Variants in RERG observed in about 807,000 individuals in gnomAD.
RERG encodes RAS like estrogen regulated growth inhibitor, also known as ras-related and estrogen-regulated growth inhibitor.
A neutral mutation model predicts 23.2 loss-of-function variants in RERG; 25 were observed. The observed-to-expected ratio is 1.08, with a 90% CI of 0.79 to 1.50. The LOEUF (loss-of-function observed/expected upper bound fraction) is 1.50, where lower values mean the gene tolerates loss of function less well. Among genes scored for constraint, RERG ranks in the 40% most tolerant of loss-of-function variants. The pLI is 0.00. For missense variants in RERG, 253 were observed against 250.1 expected (o/e 1.01, Z -0.08); for synonymous variants, 81 against 89.1 (o/e 0.91, Z 0.51).
At chr12:15,167,389 A>G (rs1210089247) in intron 2 of RERG, among the ~76,000 whole-genome samples, 1 of 152,204 alleles carries the variant, frequency 6.6e-6, no homozygotes, top group East Asian at 1.9e-4. Context: ...CTCAAAGTTC[A>G]GCATCAGCAG....
chr12:15,198,079 G>A (rs761877805), intron 2 of RERG, among the ~76,000 whole-genome samples: 5 of 152,080 alleles, frequency 3.3e-5, no homozygotes, highest in East Asian at 1.9e-4. Flanking sequence ...GCCACTCTAC[G>A]CTTGATGCAT....
chr12:15,159,626 A>G lies in RERG; in HGVS notation c.62-38507T>C, dbSNP rs544712336. Reference sequence around the variant, plus strand: ...ATCACGAGGTCAGGAGATCGAGACCATCCTGGCTAACACAGTGAAACCCCG... The same window carrying G: ...ATCACGAGGTCAGGAGATCGAGACCGTCCTGGCTAACACAGTGAAACCCCG... On this transcript the variant is annotated intron_variant, in intron 2 of 4. Coordinates refer to ENST00000256953, the MANE Select transcript of RERG (RefSeq NM_032918.3). Among the ~76,000 whole-genome samples, 4 of 152,262 alleles carry G rather than the reference A, an allele frequency of 2.6e-5. No homozygotes were observed. In the South Asian group the frequency reaches 8.3e-4, roughly 32 times the overall value.
At chr12:15,182,644 C>T (rs942834665) in intron 2 of RERG, among the ~76,000 whole-genome samples, 2 of 152,114 alleles carry the variant, frequency 1.3e-5, no homozygotes, top group Non-Finnish European at 2.9e-5. Flanking sequence ...AAAACATATG[C>T]TTTCTACATA....
intron 2 of RERG, among the ~76,000 whole-genome samples, chr12:15,189,846 C>A (rs1865045272): frequency 6.6e-6 from 1 of 152,178 alleles, no homozygotes; most frequent in Non-Finnish European, 1.5e-5. Context: ...GGCAGAAGGC[C>A]ACAGCCTCCT....
chr12:15,131,979 T>C (rs1864056144), intron 2 of RERG, among the ~76,000 whole-genome samples: 1 of 152,174 alleles, frequency 6.6e-6, no homozygotes, highest in Non-Finnish European at 1.5e-5. Flanking sequence ...GAAGGAATTA[T>C]GGGTGTTTGA....
intron 2 of RERG, among the ~76,000 whole-genome samples, chr12:15,155,678 A>G (rs1864511155): frequency 6.6e-6 from 1 of 152,274 alleles, no homozygotes; most frequent in East Asian, 1.9e-4. Flanking sequence ...ATCTTGTTCT[A>G]GCATTTACAG....
At chr12:15,156,950 A>G (rs181770316) in intron 2 of RERG, among the ~76,000 whole-genome samples, 1 of 152,320 alleles carries the variant, frequency 6.6e-6, no homozygotes, top group Admixed American at 6.5e-5. Flanking sequence ...GAGGTAATAC[A>G]TGATAACATA....
chr12:15,207,885 C>A (rs1464485792), intron 2 of RERG, among the ~76,000 whole-genome samples: 2 of 152,078 alleles, frequency 1.3e-5, no homozygotes, highest in African/African-American at 4.8e-5. Flanking sequence ...TACAGAAAAA[C>A]CTTTGGTTCC....
At chr12:15,158,052 TAC>T (rs1381633033) in intron 2 of RERG, among the ~76,000 whole-genome samples, 12 of 152,180 alleles carry the variant, frequency 7.9e-5, no homozygotes, top group Non-Finnish European at 1.6e-4. Context: ...TCATAATAAA[TAC>T]ATTTTGTAGG....
intron 4 of RERG, among the ~76,000 whole-genome samples, chr12:15,109,866 T>G (rs1292422049): frequency 6.6e-6 from 1 of 152,226 alleles, no homozygotes. Flanking sequence ...AATTAAGGAC[T>G]TAGCAATTTT....
intron 2 of RERG, among the ~76,000 whole-genome samples, chr12:15,165,855 C>T (rs1461365897): frequency 6.6e-6 from 1 of 152,210 alleles, no homozygotes; most frequent in African/African-American, 2.4e-5. Context: ...ATCTTATCCT[C>T]TCCAACTCTC....
chr12:15,121,646 T>C (rs1293543671), intron 2 of RERG, among the ~76,000 whole-genome samples: 1 of 152,238 alleles, frequency 6.6e-6, no homozygotes, highest in Non-Finnish European at 1.5e-5. Context: ...ACTGATAGAA[T>C]ACAGTCAGAG....
chr12:15,217,325 T>C, intron 2 of RERG, 104 bp downstream of exon 2: 1 of 748,164 alleles, frequency 1.3e-6, no homozygotes, highest in South Asian at 1.6e-5. Flanking sequence ...GAAATGAAAA[T>C]AGGAGGAATA....
intron 2 of RERG, among the ~76,000 whole-genome samples, chr12:15,125,278 T>A (rs2136091444): frequency 6.6e-6 from 1 of 152,158 alleles, no homozygotes; most frequent in Non-Finnish European, 1.5e-5. Flanking sequence ...TAGTCCGTTA[T>A]GGGTTGTGAT....
chr12:15,198,918 C>T (rs1865181056), intron 2 of RERG, among the ~76,000 whole-genome samples: 1 of 152,200 alleles, frequency 6.6e-6, no homozygotes, highest in South Asian at 2.1e-4. Flanking sequence ...TCTAGGGTCA[C>T]TTCCCTGTCT....
At chr12:15,203,461 C>T (rs184208038) in intron 2 of RERG, among the ~76,000 whole-genome samples, 35 of 151,718 alleles carry the variant, frequency 2.3e-4, no homozygotes, top group Admixed American at 1.4e-3. Context: ...CCAAAGCTAA[C>T]ATTATACTCA....
chr12:15,140,500 T>C (rs1352258645), intron 2 of RERG, among the ~76,000 whole-genome samples: 2 of 152,170 alleles, frequency 1.3e-5, no homozygotes, highest in African/African-American at 4.8e-5. Context: ...TTCTCTATTG[T>C]TTTTTCCCTT....
chr12:15,212,678 CA>C (rs1219228130), intron 2 of RERG, among the ~76,000 whole-genome samples: 3 of 151,982 alleles, frequency 2.0e-5, no homozygotes, highest in Admixed American at 6.6e-5. Flanking sequence ...TTCTAAAACA[CA>C]AAATGTAGTT....
chr12:15,214,329 C>T (rs933696723), intron 2 of RERG, among the ~76,000 whole-genome samples: 2 of 152,058 alleles, frequency 1.3e-5, no homozygotes, highest in Non-Finnish European at 2.9e-5. Context: ...TTGCCAAGTT[C>T]ACAGGGCAAA....
Sources: allele counts gnomAD v4.1 joint callset (sites outside exome capture counted in the v4.1 genomes callset), GRCh38; gene constraint gnomAD v4.1.1; transcripts MANE v1.5; gene names NCBI Gene and HGNC (gene_info 2026-07-23, HGNC 2026-07-21).